CIT: variants seen among roughly 807,000 people sequenced by gnomAD.
CIT encodes citron Rho-interacting kinase.
A neutral mutation model predicts 272.7 loss-of-function variants in CIT; 79 were observed. That is an observed-to-expected ratio of 0.29 (90% confidence interval 0.24 to 0.35). The LOEUF is 0.35. CIT is among the 10% of genes least tolerant of loss of function. The pLI is 1.00. For synonymous variants in CIT, 948 were observed against 995.6 expected (o/e 0.95, Z 0.90); for missense variants, 1,909 against 2,618.3 (o/e 0.73, Z 5.91).
chr12:119,728,363 A>G lies in CIT; in HGVS notation c.3591+139T>C. ...TGATAGCTGGGGACACTGTGGGAGG[A>G]GGAGACAGGGAGTATGTGGGAACTC... On this transcript the variant is annotated intron_variant, in intron 28 of 47. Transcript: ENST00000392521. The surrounding 1 kb of genome is among the most constrained non-coding windows in gnomAD (Gnocchi z 4.3). The G allele has an allele frequency of 1.5e-6, 1 of 653,060 alleles. No homozygotes were observed. Among genetic ancestry groups the G allele is most frequent in the Admixed American group, 2.4e-5 (1 of 40,954 alleles). 40.5% of individuals were successfully genotyped at this position (653,060 alleles called of 1,614,324 possible). A position where few individuals can be genotyped will look rare whatever the true frequency, so the allele number is the denominator to read the frequency against.
intron 19 of CIT, among the ~76,000 whole-genome samples, chr12:119,765,617 C>A (rs553955710): frequency 3.3e-5 from 5 of 151,072 alleles, no homozygotes; most frequent in African/African-American, 1.2e-4. Flanking sequence ...ACAACAGGTG[C>A]GTGCCACCAC....
chr12:119,850,064 G>A, intron 5 of CIT, 110 bp downstream of exon 5: 1 of 781,500 alleles, frequency 1.3e-6, no homozygotes, highest in South Asian at 1.4e-5. Context: ...AGGTAAGAAA[G>A]TCTTTGCATG....
chr12:119,785,104 T>C (rs1964664536), intron 10 of CIT, 39 bp from the exon 11 acceptor site: 1 of 1,607,518 alleles, frequency 6.2e-7, no homozygotes, highest in Admixed American at 1.7e-5. Context: ...GGCCTGCAGG[T>C]GGGCCTAAGA....
At chr12:119,841,868 C>T (rs998021609) in intron 5 of CIT, among the ~76,000 whole-genome samples, 1 of 152,182 alleles carries the variant, frequency 6.6e-6, no homozygotes, top group Non-Finnish European at 1.5e-5. Context: ...AGCAGAGCTG[C>T]TCTACCAGCC....
At position 119,688,146 on chromosome 12, in the gene CIT, G is replaced by A. The variant is rs374513595; in HGVS notation, c.*86C>T. On this transcript the variant is annotated 3_prime_UTR_variant, in exon 48 of 48. Coordinates refer to ENST00000392521, the MANE Select transcript of CIT (RefSeq NM_001206999.2). ...CCAGAGGGTGGCTGAGCACGTGGGC[G>A]CTTGGGTCCCCATCAGCAGAGTTCC... 2.5e-5 allele frequency: 37 copies of A among 1,457,154 alleles called. No homozygotes were observed. Among genetic ancestry groups the A allele is most frequent in the African/African-American group, 9.8e-5 (7 of 71,444 alleles). The allele number at this position is 1,457,154 out of a possible 1,614,324, so 90.3% of individuals were successfully genotyped here.
In CIT at chr12:119,761,071, C is replaced by T. The variant is rs779020293; in HGVS notation, c.2305-16G>A. ...TGTCCAACACCTACAAAAACAAAAG[C>T]AGCAGCAAATGTTCTCAGGAGCCAA... On this transcript the variant is annotated splice_polypyrimidine_tract_variant and intron_variant, in intron 19 of 47. Coordinates refer to ENST00000392521, the MANE Select transcript of CIT (RefSeq NM_001206999.2). 1 of 1,575,682 alleles carries T rather than the reference C, an allele frequency of 6.3e-7. No homozygotes were observed. Among genetic ancestry groups the T allele is most frequent in the Non-Finnish European group, 8.7e-7 (1 of 1,145,088 alleles).
At chr12:119,845,746 T>G (rs1002858239) in intron 5 of CIT, among the ~76,000 whole-genome samples, 5 of 150,360 alleles carry the variant, frequency 3.3e-5, no homozygotes, top group Non-Finnish European at 5.9e-5. Flanking sequence ...GGTCAGGAGT[T>G]CAAGACCAGC....
chr12:119,705,051 C>T (rs7308115), intron 40 of CIT, among the ~76,000 whole-genome samples: 20,703 of 152,050 alleles, frequency 0.14, 3,287 homozygotes, highest in African/African-American at 0.39. Context: ...TAGCTGGGAC[C>T]ACAGGTGCGC....
intron 9 of CIT, among the ~76,000 whole-genome samples, chr12:119,807,822 C>T (rs796133792): frequency 6.6e-6 from 1 of 151,818 alleles, no homozygotes; most frequent in African/African-American, 2.4e-5. Context: ...TGCCACATAC[C>T]CACCACATTC....
intron 22 of CIT, among the ~76,000 whole-genome samples, chr12:119,753,206 G>A (rs1345114091): frequency 1.3e-5 from 2 of 152,132 alleles, no homozygotes; most frequent in Non-Finnish European, 2.9e-5. Context: ...TAAGGGGACT[G>A]CCAAGAAGAA....
intron 7 of CIT, among the ~76,000 whole-genome samples, chr12:119,826,677 T>TC (rs149236096): frequency 1.2e-3 from 184 of 152,312 alleles, no homozygotes; most frequent in African/African-American, 4.3e-3. Context: ...TGGCCAGCTG[T>TC]CCTATAACTC....
intron 3 of CIT, among the ~76,000 whole-genome samples, chr12:119,861,362 G>C (rs1014033838): frequency 3.3e-5 from 5 of 152,036 alleles, no homozygotes; most frequent in African/African-American, 9.7e-5. Context: ...GAAGCGGGTG[G>C]ATCACCTGAG....
intron 13 of CIT, among the ~76,000 whole-genome samples, chr12:119,780,651 T>C (rs548526699): frequency 6.6e-6 from 1 of 152,208 alleles, no homozygotes; most frequent in East Asian, 1.9e-4. Flanking sequence ...AGTTAGATTT[T>C]TAAGAGAAAG....
chr12:119,716,772 A>C (rs1286159288), intron 32 of CIT, among the ~76,000 whole-genome samples: 2 of 152,202 alleles, frequency 1.3e-5, no homozygotes, highest in South Asian at 2.1e-4. Flanking sequence ...TCCAGGCACA[A>C]CACCCACAGA....
intron 5 of CIT, among the ~76,000 whole-genome samples, chr12:119,844,269 G>A (rs58988646): frequency 0.033 from 5,016 of 151,998 alleles, 269 homozygotes; most frequent in African/African-American, 0.11. Flanking sequence ...TTATCCGCTC[G>A]CCTCGGCCTC....
chr12:119,718,186 TACC>T lies in CIT; in HGVS notation c.4168+56_4168+58del. 6.5e-7 allele frequency: 1 copy of T among 1,538,320 alleles called. No individual in the cohort carries two copies. The highest frequency in any genetic ancestry group is 8.8e-7 in the Non-Finnish European group (1 of 1,137,748). On this transcript the variant is annotated intron_variant, in intron 32 of 47. Transcript: ENST00000392521. This position sits in a 1 kb window ranked among gnomAD's most constrained non-coding sequence, Gnocchi z 4.8. ...AACCCCTAGTATTACTTGTAATTTTTACCATATGCCCACATGTCTTAGTCGACT... is the reference window on the plus strand; with the variant it reads ...AACCCCTAGTATTACTTGTAATTTTTATATGCCCACATGTCTTAGTCGACT...
At chr12:119,724,910 G>A (rs34862311) in intron 28 of CIT, among the ~76,000 whole-genome samples, 3,214 of 116,498 alleles carry the variant, frequency 0.028, 54 homozygotes, top group Middle Eastern at 0.093. Context: ...CAGTCTGGGC[G>A]ACAGAGCGAG....
chr12:119,815,896 T>G (rs902944814), intron 9 of CIT, among the ~76,000 whole-genome samples: 1 of 152,098 alleles, frequency 6.6e-6, no homozygotes, highest in African/African-American at 2.4e-5. Flanking sequence ...TATAACCTTC[T>G]GTATAATGTG....
Position 119,752,250 on chromosome 12 carries a change from GAGAC to G in CIT, c.2707-7_2707-4del, listed in dbSNP as rs1235384316. ...TGCTCCTCGTGCTCTAGACTGACCT[GAGAC>G]AGAGAGAGAGAGAGAAAGAGAGATA... On this transcript the variant is annotated splice_region_variant and splice_polypyrimidine_tract_variant and intron_variant, in intron 22 of 47. Coordinates refer to ENST00000392521, the MANE Select transcript of CIT (RefSeq NM_001206999.2). 1.9e-6 allele frequency: 3 copies of G among 1,576,644 alleles called. No homozygotes were observed. Among genetic ancestry groups the G allele is most frequent in the African/African-American group, 1.6e-5 (1 of 61,316 alleles).
Sources: allele counts gnomAD v4.1 joint callset (sites outside exome capture counted in the v4.1 genomes callset), GRCh38; gene constraint gnomAD v4.1.1; non-coding constraint Gnocchi (gnomAD v3.1); transcripts MANE v1.5; gene names NCBI Gene and HGNC (gene_info 2026-07-23, HGNC 2026-07-21).